GALNT18: variants seen among roughly 807,000 people sequenced by gnomAD.
GALNT18 encodes the protein polypeptide N-acetylgalactosaminyltransferase 18.
Under a neutral mutation model 69.5 loss-of-function variants are expected in GALNT18, and 44 were observed. That is an observed-to-expected ratio of 0.63 (90% confidence interval 0.50 to 0.81). The LOEUF (loss-of-function observed/expected upper bound fraction) is 0.81, where lower values mean the gene tolerates loss of function less well. Ranked by LOEUF, GALNT18 falls within the 40% of genes least tolerant of loss-of-function variation. GALNT18 has a pLI of 0.00. For missense variants in GALNT18, 715 were observed against 810.0 expected (o/e 0.88, Z 1.42); for synonymous variants, 364 against 318.2 (o/e 1.14, Z -1.53).
intron 2 of GALNT18, among the ~76,000 whole-genome samples, chr11:11,442,370 A>T (rs1202560719): frequency 6.6e-6 from 1 of 152,152 alleles, no homozygotes; most frequent in Non-Finnish European, 1.5e-5. Context: ...GCAACCATAG[A>T]TCCCCCTTGC....
Position 11,584,251 on chromosome 11 carries a change from C to T in GALNT18, c.235+37108G>A, listed in dbSNP as rs989104675. 6.6e-6 allele frequency among the ~76,000 whole-genome samples: 1 copy of T among 152,110 alleles called. No homozygotes were observed. The highest frequency in any genetic ancestry group is 6.5e-5 in the Admixed American group (1 of 15,282). ...TGGGGACAGGAAGCTCGAGGATAGA[C>T]ACTGACCTATGCCAGGAAAGGCCTG... On this transcript the variant is annotated intron_variant, in intron 1 of 10. Transcript: ENST00000227756. This position sits in a 1 kb window ranked among gnomAD's most constrained non-coding sequence, Gnocchi z 4.1.
chr11:11,298,139 T>C (rs1849433176), intron 9 of GALNT18, among the ~76,000 whole-genome samples: 1 of 152,148 alleles, frequency 6.6e-6, no homozygotes, highest in Non-Finnish European at 1.5e-5. Flanking sequence ...AGGGCCCCCA[T>C]CCTGCAGGAT....
chr11:11,456,750 G>T (rs970501389), intron 1 of GALNT18, among the ~76,000 whole-genome samples: 3 of 152,154 alleles, frequency 2.0e-5, no homozygotes, highest in Admixed American at 6.5e-5. Flanking sequence ...CAGGTCATTT[G>T]CTTCCCCATG....
chr11:11,378,839 A>G (rs1453908341), intron 4 of GALNT18, among the ~76,000 whole-genome samples: 2 of 152,134 alleles, frequency 1.3e-5, no homozygotes, highest in Admixed American at 6.5e-5. Context: ...TGATGTCACC[A>G]TGCATATTAG....
chr11:11,538,746 C>T lies in GALNT18; in HGVS notation c.235+82613G>A, dbSNP rs558030557. ...GGGCCTTTGGAAGGATTAAGTGAGG[C>T]GCCATCTGGGAAGCACCTGGCCCCA... On this transcript the variant is annotated intron_variant, in intron 1 of 10. Coordinates refer to ENST00000227756, the MANE Select transcript of GALNT18 (RefSeq NM_198516.3). The surrounding 1 kb of genome is among the most constrained non-coding windows in gnomAD (Gnocchi z 5.2). Among the ~76,000 whole-genome samples the T allele has an allele frequency of 3.3e-5, 5 of 152,232 alleles. No individual in the cohort carries two copies. The highest frequency in any genetic ancestry group is 7.4e-5 in the Non-Finnish European group (5 of 68,000).
At chr11:11,429,104 C>T (rs957538707) in intron 3 of GALNT18, among the ~76,000 whole-genome samples, 4 of 152,230 alleles carry the variant, frequency 2.6e-5, no homozygotes, top group Non-Finnish European at 5.9e-5. Context: ...CCCCCATCTC[C>T]AACATTCCAC....
At chr11:11,319,424 T>C (rs1006446713) in intron 9 of GALNT18, among the ~76,000 whole-genome samples, 7 of 152,196 alleles carry the variant, frequency 4.6e-5, no homozygotes, top group Non-Finnish European at 8.8e-5. Flanking sequence ...GGTTCATCCA[T>C]TTCCCAGGGC....
chr11:11,275,188 A>G (rs1848914360), intron 10 of GALNT18, among the ~76,000 whole-genome samples: 1 of 152,232 alleles, frequency 6.6e-6, no homozygotes, highest in African/African-American at 2.4e-5. Flanking sequence ...CTATTTCTCC[A>G]CATCCTCTCT....
At chr11:11,536,539 G>T (rs934337163) in intron 1 of GALNT18, among the ~76,000 whole-genome samples, 6 of 151,942 alleles carry the variant, frequency 3.9e-5, no homozygotes, top group Admixed American at 1.3e-4. Flanking sequence ...TGCTATTCTG[G>T]CCTCTGATAA....
intron 1 of GALNT18, among the ~76,000 whole-genome samples, chr11:11,517,985 C>T (rs538795349): frequency 7.2e-5 from 11 of 152,300 alleles, no homozygotes; most frequent in East Asian, 1.9e-4. Context: ...TTTCTCTATG[C>T]GCCAGTGCCT....
Position 11,327,193 on chromosome 11 carries a change from A to G in GALNT18, c.1417-12T>C, listed in dbSNP as rs1025975657. On this transcript the variant is annotated splice_polypyrimidine_tract_variant and intron_variant, in intron 8 of 10. Coordinates refer to ENST00000227756, the MANE Select transcript of GALNT18 (RefSeq NM_198516.3). ...AGAGAATTCTGCAGCTGAACATCAG[A>G]GAACAGATGGCCACACCAAAGAGAG... 4 of 1,585,460 alleles carry G rather than the reference A, an allele frequency of 2.5e-6. No homozygotes were observed. In the African/African-American group the frequency reaches 5.4e-5, roughly 21 times the overall value.
At chr11:11,593,283 C>A (rs1043712928) in intron 1 of GALNT18, among the ~76,000 whole-genome samples, 3 of 152,178 alleles carry the variant, frequency 2.0e-5, no homozygotes, top group Non-Finnish European at 2.9e-5. Context: ...CCATACCACC[C>A]ATTTACGTTG....
chr11:11,306,776 G>A (rs185948100), intron 9 of GALNT18, among the ~76,000 whole-genome samples: 55 of 152,306 alleles, frequency 3.6e-4, no homozygotes, highest in African/African-American at 1.3e-3. Context: ...TCCCATCCTC[G>A]CATACAAACT....
intron 1 of GALNT18, among the ~76,000 whole-genome samples, chr11:11,608,428 C>T (rs548417197): frequency 2.6e-5 from 4 of 152,040 alleles, no homozygotes; most frequent in South Asian, 2.1e-4. Context: ...GGTGCAATCT[C>T]GGCTCACTGC....
chr11:11,609,324 CTG>C (rs1859832690), intron 1 of GALNT18, among the ~76,000 whole-genome samples: 1 of 152,156 alleles, frequency 6.6e-6, no homozygotes, highest in Non-Finnish European at 1.5e-5. Flanking sequence ...GCACTGGCCA[CTG>C]TTTCTCAAAC....
chr11:11,617,643 T>C lies in GALNT18; in HGVS notation c.235+3716A>G, dbSNP rs1445378142. Among the ~76,000 whole-genome samples, 1 of 152,210 alleles carries C rather than the reference T, an allele frequency of 6.6e-6. No individual in the cohort carries two copies. The highest frequency in any genetic ancestry group is 1.5e-5 in the Non-Finnish European group (1 of 68,026). On this transcript the variant is annotated intron_variant, in intron 1 of 10. Coordinates refer to ENST00000227756, the MANE Select transcript of GALNT18 (RefSeq NM_198516.3). The surrounding 1 kb of genome is among the most constrained non-coding windows in gnomAD (Gnocchi z 4.7). The stretch of plus-strand genomic sequence containing the variant: ...TTAGGGTAGAATGAATTATGGGCAA[T>C]TTTATGCATTTTTAAATATTTTCTT...
rs374686980 is a variant in GALNT18, at chr11:11,346,143, C to T, written c.1093-5139G>A. ...CCCTCTGAATATCTTTAGTGCCCTG[C>T]CTTTTTCTTCATAACACTTACTCAA... is the stretch of plus-strand genomic sequence containing the variant. On this transcript the variant is annotated intron_variant, in intron 6 of 10. Coordinates refer to ENST00000227756, the MANE Select transcript of GALNT18 (RefSeq NM_198516.3). Among the ~76,000 whole-genome samples the T allele has an allele frequency of 7.0e-4, 106 of 152,314 alleles. 3 individuals are homozygous for T. The South Asian group carries it at 0.021, about 31-fold the overall frequency.
intron 10 of GALNT18, among the ~76,000 whole-genome samples, chr11:11,282,941 G>C (rs78454796): frequency 3.3e-5 from 5 of 151,818 alleles, no homozygotes; most frequent in African/African-American, 1.2e-4. Context: ...GAGGCTCGGG[G>C]TGGTGGAGAG....
At chr11:11,485,038 T>C (rs1433238008) in intron 1 of GALNT18, among the ~76,000 whole-genome samples, 2 of 152,350 alleles carry the variant, frequency 1.3e-5, no homozygotes, top group African/African-American at 4.8e-5. Context: ...CGGTGACATG[T>C]GATCATCATG....
Sources: gnomAD v4.1 joint callset for allele counts (sites outside exome capture counted in the v4.1 genomes callset) on GRCh38, gnomAD v4.1.1 for gene constraint, Gnocchi (gnomAD v3.1) non-coding constraint, MANE v1.5 for transcripts, NCBI Gene and HGNC (gene_info 2026-07-23, HGNC 2026-07-21) for gene names.